The following MACROD2 variants were observed in gnomAD, a reference collection of about 807,000 sequenced individuals.
MACROD2 encodes the protein ADP-ribose glycohydrolase MACROD2.
Under a neutral mutation model 70.4 loss-of-function variants are expected in MACROD2, and 36 were observed. That is an observed-to-expected ratio of 0.51 (90% CI 0.39 to 0.68). The LOEUF is 0.68. MACROD2 is among the 30% of genes least tolerant of loss of function. The pLI, the probability that MACROD2 is intolerant of heterozygous loss-of-function variation, is 0.00. For missense variants in MACROD2, 496 were observed against 538.4 expected (o/e 0.92, Z 0.78); for synonymous variants, 172 against 178.8 (o/e 0.96, Z 0.30).
At chr20:14,667,710 C>T (rs1016575640) in intron 4 of MACROD2, among the ~76,000 whole-genome samples, 1 of 152,174 alleles carries the variant, frequency 6.6e-6, no homozygotes, top group Non-Finnish European at 1.5e-5. Context: ...CAAGCCATAG[C>T]TTTATCCTCT....
chr20:14,903,563 A>C (rs1431563183), intron 5 of MACROD2, among the ~76,000 whole-genome samples: 2 of 116,622 alleles, frequency 1.7e-5, no homozygotes, highest in African/African-American at 6.8e-5. Context: ...TTAGTTTTAA[A>C]TTTTTATTTA....
intron 9 of MACROD2, among the ~76,000 whole-genome samples, chr20:15,875,128 A>G (rs1024031092): frequency 2.0e-5 from 3 of 152,186 alleles, no homozygotes; most frequent in African/African-American, 7.2e-5. Flanking sequence ...AAAGCAGCCT[A>G]GCTGATATGT....
At chr20:14,103,376 G>T (rs912355905) in intron 3 of MACROD2, among the ~76,000 whole-genome samples, 1 of 152,142 alleles carries the variant, frequency 6.6e-6, no homozygotes, top group East Asian at 1.9e-4. Context: ...CACTGCTTGG[G>T]CATTTGTTCC....
At chr20:14,295,446 G>A (rs2082418976) in intron 3 of MACROD2, among the ~76,000 whole-genome samples, 1 of 151,706 alleles carries the variant, frequency 6.6e-6, no homozygotes, top group South Asian at 2.1e-4. Context: ...CAGGCCAAGG[G>A]GCAGGAAGGA....
At chr20:16,000,193 A>G (rs6074990) in intron 15 of MACROD2, among the ~76,000 whole-genome samples, 20,178 of 152,274 alleles carry the variant, frequency 0.13, 1,730 homozygotes, top group Non-Finnish European at 0.2. Context: ...ATAAAGCCCA[A>G]TGTTACCCTG....
At chr20:14,176,188 G>A (rs2081261830) in intron 3 of MACROD2, among the ~76,000 whole-genome samples, 1 of 152,170 alleles carries the variant, frequency 6.6e-6, no homozygotes, top group Non-Finnish European at 1.5e-5. Flanking sequence ...GTTTATCTGA[G>A]AGATTACTAT....
At chr20:14,026,376 C>A (rs1362346422) in intron 2 of MACROD2, among the ~76,000 whole-genome samples, 1 of 152,128 alleles carries the variant, frequency 6.6e-6, no homozygotes, top group African/African-American at 2.4e-5. Flanking sequence ...TAAATTTGAT[C>A]CTGTCATTAT....
At chr20:15,987,364 A>T (rs1249288124) in intron 15 of MACROD2, among the ~76,000 whole-genome samples, 1 of 152,224 alleles carries the variant, frequency 6.6e-6, no homozygotes, top group African/African-American at 2.4e-5. Context: ...TAGCAATTAC[A>T]TATAGCATAA....
intron 12 of MACROD2, among the ~76,000 whole-genome samples, chr20:15,964,958 TG>T (rs1272098917): frequency 6.6e-6 from 1 of 152,142 alleles, no homozygotes; most frequent in African/African-American, 2.4e-5. Context: ...GTGGGTTTGG[TG>T]GTGGGTCGTG....
intron 5 of MACROD2, among the ~76,000 whole-genome samples, chr20:14,836,255 A>T (rs527773342): frequency 6.6e-6 from 1 of 152,222 alleles, no homozygotes; most frequent in South Asian, 2.1e-4. Context: ...TACCCAAGAG[A>T]GACTAATGTA....
chr20:15,974,786 T>G (rs769343629), intron 13 of MACROD2, among the ~76,000 whole-genome samples: 9 of 152,174 alleles, frequency 5.9e-5, no homozygotes, highest in Admixed American at 1.3e-4. Context: ...AATTACAGGC[T>G]GTTTTTTTAA....
chr20:15,383,190 C>G (rs893274326), intron 6 of MACROD2, among the ~76,000 whole-genome samples: 19 of 152,182 alleles, frequency 1.2e-4, no homozygotes, highest in African/African-American at 4.3e-4. Flanking sequence ...TAGAATTTAA[C>G]CATATGTGTT....
At chr20:14,691,117 C>T (rs1157680769) in intron 5 of MACROD2, among the ~76,000 whole-genome samples, 1 of 152,116 alleles carries the variant, frequency 6.6e-6, no homozygotes, top group Non-Finnish European at 1.5e-5. Flanking sequence ...GGGGTTTCGC[C>T]ATGTTGGCCA....
chr20:15,051,141 A>G (rs1374856261), intron 5 of MACROD2, among the ~76,000 whole-genome samples: 1 of 152,180 alleles, frequency 6.6e-6, no homozygotes, highest in African/African-American at 2.4e-5. Context: ...TAATGTAAGT[A>G]TTAGATTTAA....
intron 5 of MACROD2, among the ~76,000 whole-genome samples, chr20:15,159,304 C>A (rs562063592): frequency 2.0e-5 from 3 of 152,168 alleles, no homozygotes; most frequent in African/African-American, 7.2e-5. Flanking sequence ...GATTTAGGTT[C>A]ATTCTCTGCC....
intron 4 of MACROD2, among the ~76,000 whole-genome samples, chr20:14,619,044 A>G (rs2123446814): frequency 6.6e-6 from 1 of 151,986 alleles, no homozygotes; most frequent in East Asian, 1.9e-4. Flanking sequence ...ATAAGCCCTT[A>G]AAATAACGAT....
chr20:15,312,885 GACAC>G (rs1404098071), intron 6 of MACROD2, among the ~76,000 whole-genome samples: 2 of 152,040 alleles, frequency 1.3e-5, no homozygotes, highest in Non-Finnish European at 2.9e-5. Flanking sequence ...TGAATATACA[GACAC>G]ACATACATAT....
chr20:15,043,774 AGAG>A (rs1176496606), intron 5 of MACROD2, among the ~76,000 whole-genome samples: 2 of 152,106 alleles, frequency 1.3e-5, no homozygotes, highest in African/African-American at 4.8e-5. Context: ...CCAGCTGATC[AGAG>A]GTTCCCACGA....
intron 5 of MACROD2, among the ~76,000 whole-genome samples, chr20:15,132,869 C>G (rs2076116892): frequency 6.6e-6 from 1 of 151,884 alleles, no homozygotes; most frequent in Non-Finnish European, 1.5e-5. Flanking sequence ...TGGAGAAGAG[C>G]AAAATAAAGG....
Sources: gnomAD v4.1 joint callset for allele counts (sites outside exome capture counted in the v4.1 genomes callset) on GRCh38, gnomAD v4.1.1 for gene constraint, MANE v1.5 for transcripts, NCBI Gene and HGNC (gene_info 2026-07-23, HGNC 2026-07-21) for gene names.